Variants in CLIC4 observed in about 807,000 individuals in gnomAD.
CLIC4 encodes CLIC family member 4.
In CLIC4, 13 loss-of-function variants were observed where a neutral mutation model predicts 24.6. That is an observed-to-expected ratio of 0.53 (90% CI 0.34 to 0.84). The LOEUF is 0.84. Ranked by LOEUF, CLIC4 falls within the 40% of genes least tolerant of loss-of-function variation. CLIC4 has a pLI of 0.01. For missense variants in CLIC4, 227 were observed against 301.7 expected, an observed-to-expected ratio of 0.75 and a Z score of 1.83; for synonymous variants, 104 against 111.3, an observed-to-expected ratio of 0.93 and a Z score of 0.41.
chr1:24,755,435 TCA>T (rs756427771), intron 1 of CLIC4, among the ~76,000 whole-genome samples: 6 of 134,994 alleles, frequency 4.4e-5, no homozygotes, highest in Non-Finnish European at 7.7e-5. Context: ...AGACTCTGTC[TCA>T]AAAAAAAAAA....
intron 3 of CLIC4, among the ~76,000 whole-genome samples, chr1:24,822,176 A>G (rs1334528272): frequency 6.6e-6 from 1 of 152,048 alleles, no homozygotes; most frequent in East Asian, 1.9e-4. Context: ...TGGCTTTTGT[A>G]AAAGAGGGAA....
chr1:24,814,358 C>G, intron 3 of CLIC4, 139 bp downstream of exon 3: 1 of 1,001,502 alleles, frequency 1.0e-6, no homozygotes, highest in Non-Finnish European at 1.5e-6. Flanking sequence ...TAATGCTACA[C>G]AGATATAAGA....
chr1:24,838,139 T>C (rs1639904152), intron 4 of CLIC4, among the ~76,000 whole-genome samples: 1 of 152,138 alleles, frequency 6.6e-6, no homozygotes, highest in East Asian at 1.9e-4. Context: ...ACACCAGCAT[T>C]CACCCTGGGA....
chr1:24,813,397 A>G (rs1023993765), intron 2 of CLIC4, among the ~76,000 whole-genome samples: 3 of 151,018 alleles, frequency 2.0e-5, no homozygotes, highest in Non-Finnish European at 4.4e-5. Context: ...AACCACTTTG[A>G]TCTCTTTTCT....
chr1:24,784,303 T>A (rs941593877), intron 1 of CLIC4, among the ~76,000 whole-genome samples: 92 of 152,298 alleles, frequency 6.0e-4, no homozygotes, highest in South Asian at 8.3e-4. Context: ...TCCAATGAGG[T>A]TATTATTCCC....
At chr1:24,785,854 C>CAAACA (rs1639259768) in intron 1 of CLIC4, among the ~76,000 whole-genome samples, 1 of 58,852 alleles carries the variant, frequency 1.7e-5, no homozygotes, top group Non-Finnish European at 2.9e-5. Context: ...GACTACAACT[C>CAAACA]AAAAAAAAAA....
intron 1 of CLIC4, among the ~76,000 whole-genome samples, chr1:24,790,755 A>G (rs1461678508): frequency 6.6e-6 from 1 of 152,230 alleles, no homozygotes; most frequent in African/African-American, 2.4e-5. Context: ...CTCCCTGGCC[A>G]TCTCTGACAG....
At chr1:24,759,965 A>G (rs779172745) in intron 1 of CLIC4, among the ~76,000 whole-genome samples, 4 of 152,180 alleles carry the variant, frequency 2.6e-5, no homozygotes, top group Non-Finnish European at 5.9e-5. Flanking sequence ...TGTCTCAAAA[A>G]AAAACCAAAC....
intron 4 of CLIC4, among the ~76,000 whole-genome samples, chr1:24,829,319 C>T (rs1639817412): frequency 6.6e-6 from 1 of 152,044 alleles, no homozygotes; most frequent in Non-Finnish European, 1.5e-5. Context: ...AATAGAAGGG[C>T]TAGTGGTTAG....
At chr1:24,827,904 C>T (rs1321160446) in intron 4 of CLIC4, among the ~76,000 whole-genome samples, 1 of 152,130 alleles carries the variant, frequency 6.6e-6, no homozygotes, top group Non-Finnish European at 1.5e-5. Flanking sequence ...AGAGTTCTCT[C>T]TGGGGAAAAC....
At chr1:24,827,259 G>C in intron 4 of CLIC4, 143 bp downstream of exon 4, 1 of 570,396 alleles carries the variant, frequency 1.8e-6, no homozygotes, top group Middle Eastern at 2.8e-4. Context: ...GAGTTGGTCA[G>C]AAATTGGACA....
intron 2 of CLIC4, among the ~76,000 whole-genome samples, chr1:24,798,812 C>G (rs906998596): frequency 6.6e-6 from 1 of 152,322 alleles, no homozygotes; most frequent in East Asian, 1.9e-4. Flanking sequence ...CGCGCCGCCA[C>G]GCCTGACTGG....
intron 3 of CLIC4, among the ~76,000 whole-genome samples, chr1:24,822,341 C>CTTCTT (rs1639742992): frequency 2.6e-5 from 2 of 75,488 alleles, no homozygotes; most frequent in African/African-American, 9.1e-5. Flanking sequence ...TCAGTGAATT[C>CTTCTT]TTTTTTTTTT....
At chr1:24,767,889 G>A (rs1639021512) in intron 1 of CLIC4, among the ~76,000 whole-genome samples, 1 of 151,758 alleles carries the variant, frequency 6.6e-6, no homozygotes, top group Non-Finnish European at 1.5e-5. Flanking sequence ...TGTCGCCCAG[G>A]CTGGAGTGCA....
Position 24,820,096 on chromosome 1 carries a change from T to C in CLIC4, c.308+5877T>C, listed in dbSNP as rs556146625. Among the ~76,000 whole-genome samples the C allele has an allele frequency of 4.9e-3, 536 of 109,868 alleles. 24 individuals are homozygous for C. Among genetic ancestry groups the C allele is most frequent in the African/African-American group, 0.016 (513 of 31,558 alleles). The allele number at this position is 109,868 out of a possible 152,430, so 72.1% of individuals were successfully genotyped here. ...ATATATATGTATATATATATATATA[T>C]AGACAGTATCTTGTACTGTCGCCCA... On this transcript the variant is annotated intron_variant, in intron 3 of 5. Coordinates refer to ENST00000374379, the MANE Select transcript of CLIC4 (RefSeq NM_013943.3).
At chr1:24,807,011 T>C (rs1045202317) in intron 2 of CLIC4, among the ~76,000 whole-genome samples, 3 of 152,102 alleles carry the variant, frequency 2.0e-5, no homozygotes, top group African/African-American at 7.2e-5. Flanking sequence ...ATATTTTTAT[T>C]TGGGAGCCGG....
chr1:24,840,608 T>A (rs1639932347), intron 5 of CLIC4, among the ~76,000 whole-genome samples, 165 bp from the exon 6 acceptor site: 1 of 152,206 alleles, frequency 6.6e-6, no homozygotes, highest in Non-Finnish European at 1.5e-5. Context: ...GCAGTCTTGG[T>A]CATTATTTAA....
At chr1:24,799,108 C>A (rs574724818) in intron 2 of CLIC4, among the ~76,000 whole-genome samples, 1 of 151,396 alleles carries the variant, frequency 6.6e-6, no homozygotes, top group Non-Finnish European at 1.5e-5. Context: ...GGCCGCGCAT[C>A]GTCTGGGATG....
chr1:24,821,935 C>A (rs1639739027), intron 3 of CLIC4, among the ~76,000 whole-genome samples: 1 of 152,096 alleles, frequency 6.6e-6, no homozygotes, highest in African/African-American at 2.4e-5. Context: ...TAATAACACT[C>A]AAGTACTAAT....
Sources: gnomAD v4.1 joint callset for allele counts (sites outside exome capture counted in the v4.1 genomes callset) on GRCh38, gnomAD v4.1.1 for gene constraint, MANE v1.5 for transcripts, NCBI Gene and HGNC (gene_info 2026-07-23, HGNC 2026-07-21) for gene names.